The following TCF12 variants were observed in gnomAD, a reference collection of about 807,000 sequenced individuals.
The protein encoded by TCF12 is DNA-binding protein HTF4.
A neutral mutation model predicts 86.0 loss-of-function variants in TCF12; 45 were observed. That is an observed-to-expected ratio of 0.52 (90% CI 0.41 to 0.67). TCF12 has a LOEUF of 0.67. Among genes scored for constraint, TCF12 ranks in the 30% least tolerant of loss-of-function variants. The pLI is 0.00. For missense variants in TCF12, 881 were observed against 859.9 expected, an observed-to-expected ratio of 1.02 and a Z score of -0.31; for synonymous variants, 330 against 299.6, an observed-to-expected ratio of 1.10 and a Z score of -1.05.
chr15:57,107,719 T>C (rs780593410), intron 5 of TCF12, among the ~76,000 whole-genome samples: 1 of 151,934 alleles, frequency 6.6e-6, no homozygotes, highest in Non-Finnish European at 1.5e-5. Context: ...ACCTTGTCTC[T>C]ACAAAATAAT....
chr15:57,240,649 A>G (rs1363248200), intron 12 of TCF12, among the ~76,000 whole-genome samples: 1 of 152,170 alleles, frequency 6.6e-6, no homozygotes, highest in Non-Finnish European at 1.5e-5. Context: ...TGGGAGGCCA[A>G]AGCAGGCAGA....
At chr15:56,921,933 A>G (rs143281155) in intron 3 of TCF12, among the ~76,000 whole-genome samples, 2,581 of 152,162 alleles carry the variant, frequency 0.017, 193 homozygotes, top group Admixed American at 0.12. Context: ...TAATTATGAA[A>G]TTAGAGCTTA....
intron 6 of TCF12, among the ~76,000 whole-genome samples, chr15:57,182,586 C>G (rs2056423593): frequency 6.6e-6 from 1 of 152,034 alleles, no homozygotes; most frequent in African/African-American, 2.4e-5. Context: ...ACAGACTAAA[C>G]ACAGGAAAAT....
At chr15:56,938,435 A>G (rs2060579377) in intron 3 of TCF12, among the ~76,000 whole-genome samples, 1 of 152,044 alleles carries the variant, frequency 6.6e-6, no homozygotes, top group Non-Finnish European at 1.5e-5. Flanking sequence ...TTGGGATTAC[A>G]GGCGTGAGCC....
At chr15:57,071,221 A>C (rs1386873344) in intron 4 of TCF12, among the ~76,000 whole-genome samples, 1 of 151,544 alleles carries the variant, frequency 6.6e-6, no homozygotes, top group Non-Finnish European at 1.5e-5. Context: ...AGCCTGGGCA[A>C]CAAAATGAGA....
chr15:57,221,162 G>A (rs897217021), intron 8 of TCF12, among the ~76,000 whole-genome samples: 4 of 152,074 alleles, frequency 2.6e-5, no homozygotes, highest in Admixed American at 2.6e-4. Flanking sequence ...AAAAAGATAA[G>A]CAAGTCAAAA....
At chr15:57,148,679 G>A (rs1056132196) in intron 5 of TCF12, among the ~76,000 whole-genome samples, 14 of 141,750 alleles carry the variant, frequency 9.9e-5, no homozygotes, top group South Asian at 6.7e-4. Context: ...CTAGGAGTTC[G>A]AGACCAGCCT....
intron 5 of TCF12, among the ~76,000 whole-genome samples, chr15:57,164,456 C>T (rs1224524366): frequency 6.6e-6 from 1 of 152,008 alleles, no homozygotes; most frequent in African/African-American, 2.4e-5. Flanking sequence ...AGGAGAAGTA[C>T]CGAGCAAAAG....
At chr15:57,198,029 CT>C (rs1277533991) in intron 8 of TCF12, among the ~76,000 whole-genome samples, 4 of 152,168 alleles carry the variant, frequency 2.6e-5, no homozygotes, top group Non-Finnish European at 4.4e-5. Context: ...TTGTAGCTTA[CT>C]CATATGCTCT....
At chr15:57,051,868 A>C (rs2962993) in intron 3 of TCF12, among the ~76,000 whole-genome samples, 71,409 of 152,040 alleles carry the variant, frequency 0.47, 17,522 homozygotes, top group Non-Finnish European at 0.55. Context: ...GTGGACGTCC[A>C]GTTTTCCCAT....
chr15:57,145,254 T>C (rs2053274836), intron 5 of TCF12, among the ~76,000 whole-genome samples: 1 of 152,204 alleles, frequency 6.6e-6, no homozygotes. Context: ...TAATGAGTAT[T>C]GGTAATGTGT....
intron 3 of TCF12, among the ~76,000 whole-genome samples, chr15:57,057,137 CT>C (rs1691087466): frequency 6.6e-6 from 1 of 152,170 alleles, no homozygotes; most frequent in South Asian, 2.1e-4. Flanking sequence ...CAATTCGGTT[CT>C]TTTAGTCTCT....
At chr15:57,262,705 C>T (rs575688473) in intron 17 of TCF12, among the ~76,000 whole-genome samples, 5 of 152,236 alleles carry the variant, frequency 3.3e-5, no homozygotes, top group Admixed American at 6.5e-5. Context: ...AATAAGATCA[C>T]CAAAATAAAG....
At chr15:57,218,113 G>A (rs1044612917) in intron 8 of TCF12, among the ~76,000 whole-genome samples, 1 of 152,098 alleles carries the variant, frequency 6.6e-6, no homozygotes, top group Non-Finnish European at 1.5e-5. Flanking sequence ...CAATATGTTA[G>A]TAAAAATGAG....
intron 5 of TCF12, among the ~76,000 whole-genome samples, chr15:57,097,317 C>T (rs2049394496): frequency 6.6e-6 from 1 of 151,834 alleles, no homozygotes; most frequent in Non-Finnish European, 1.5e-5. Flanking sequence ...TGCTTGAGCC[C>T]AGGAGTTTAA....
chr15:57,277,432 C>T (rs1025689815), intron 19 of TCF12, among the ~76,000 whole-genome samples: 1 of 151,598 alleles, frequency 6.6e-6, no homozygotes, highest in Admixed American at 6.6e-5. Flanking sequence ...AGATCGAGAC[C>T]ATCCTTGGCA....
intron 3 of TCF12, among the ~76,000 whole-genome samples, chr15:56,940,907 C>T (rs911398578): frequency 3.4e-5 from 5 of 145,532 alleles, no homozygotes; most frequent in African/African-American, 1.2e-4. Context: ...CGTGACCATG[C>T]CCAGCTGCTC....
At chr15:57,007,902 CTTCCTTCCTTCCTCTT>C in intron 3 of TCF12, among the ~76,000 whole-genome samples, 2 of 54,872 alleles carry the variant, frequency 3.6e-5, no homozygotes, top group South Asian at 4.2e-4. Context: ...TCCTTCCTTC[CTTCCTTCCTTCCTCTT>C]TCTTTGTTTC....
chr15:56,961,823 T>C (rs774476921), intron 3 of TCF12, among the ~76,000 whole-genome samples: 9 of 152,168 alleles, frequency 5.9e-5, no homozygotes, highest in Admixed American at 5.9e-4. Flanking sequence ...GAGTATATGC[T>C]TGTGTACACT....
Sources: gnomAD v4.1 joint callset for allele counts (sites outside exome capture counted in the v4.1 genomes callset) on GRCh38, gnomAD v4.1.1 for gene constraint, MANE v1.5 for transcripts, NCBI Gene and HGNC (gene_info 2026-07-23, HGNC 2026-07-21) for gene names.